Variants in IL1R2 observed in about 807,000 individuals in gnomAD.
IL1R2 encodes interleukin 1 receptor type 2.
Under a neutral mutation model 39.5 loss-of-function variants are expected in IL1R2, and 46 were observed. The ratio of observed to expected loss-of-function variants is 1.16; its 90% CI spans 0.92 to 1.49. The LOEUF (loss-of-function observed/expected upper bound fraction) is 1.49. IL1R2 is among the 40% of genes most tolerant of loss of function. The pLI, the probability that IL1R2 is intolerant of heterozygous loss-of-function variation, is 0.00. For missense variants in IL1R2, 537 were observed against 502.0 expected (o/e 1.07, Z -0.67); for synonymous variants, 207 against 189.6 (o/e 1.09, Z -0.75).
chr2:102,025,948 A>G (rs1281111316), intron 7 of IL1R2, among the ~76,000 whole-genome samples, 163 bp from the exon 8 acceptor site: 1 of 152,218 alleles, frequency 6.6e-6, no homozygotes, highest in East Asian at 1.9e-4. Context: ...AACTGTCCCA[A>G]ATGAATCACA....
intron 1 of IL1R2, among the ~76,000 whole-genome samples, chr2:101,992,422 GAGAGACAC>G (rs778313739): frequency 5.9e-5 from 9 of 151,642 alleles, no homozygotes; most frequent in Non-Finnish European, 1.3e-4. Context: ...GAGAGAGGCA[GAGAGACAC>G]AGAGACACAG....
rs550967369 is a variant in IL1R2 at position 102,015,480 on chromosome 2, C to T, written c.333-391C>T. Among the ~76,000 whole-genome samples, 151 of 152,272 alleles carry T rather than the reference C, an allele frequency of 9.9e-4. 3 individuals carry two copies. Among genetic ancestry groups the T allele is most frequent in the Middle Eastern group, 3.4e-3 (1 of 294 alleles). ...TAAACCCATTGTAAGTTGGAAATAG[C>T]GTTGTCACTTAACTTACCACTTAAC... On this transcript the variant is annotated intron_variant, in intron 3 of 8. Transcript: ENST00000332549.
At chr2:102,014,197 C>G (rs577953603) in intron 3 of IL1R2, among the ~76,000 whole-genome samples, 4 of 152,284 alleles carry the variant, frequency 2.6e-5, no homozygotes, top group Non-Finnish European at 5.9e-5. Context: ...TTTCCCAGAG[C>G]CTTGCTGGGC....
rs754593815 is a variant in IL1R2, at chr2:102,019,658, A to G, written c.534A>G (p.Lys178=). ...QWYKDSLLLD[K]DNEKFLSVRG... The stretch of plus-strand genomic sequence containing the variant: ...TTAAGGATTCTCTTCTTTTGGATAA[A>G]GACAATGAGAAATTTCTAAGTGTGA... The change falls in exon 5 of 9, where the codon AAA becomes AAG. Residue 178 remains lysine (K), a synonymous_variant. Coordinates refer to ENST00000332549, the MANE Select transcript of IL1R2 (RefSeq NM_004633.4). 5.0e-5 allele frequency: 80 copies of G among 1,612,756 alleles called. No homozygotes were observed. Among genetic ancestry groups the G allele is most frequent in the Non-Finnish European group, 6.1e-5 (72 of 1,179,420 alleles).
intron 5 of IL1R2, among the ~76,000 whole-genome samples, chr2:102,020,814 G>T (rs1167320440): frequency 6.6e-6 from 1 of 152,178 alleles, no homozygotes; most frequent in African/African-American, 2.4e-5. Context: ...CGCCCTACAT[G>T]CCTGTCTGTG....
intron 3 of IL1R2, 35 bp from the exon 4 acceptor site, chr2:102,015,836 C>T: frequency 6.6e-7 from 1 of 1,525,112 alleles, no homozygotes; most frequent in South Asian, 1.1e-5. Flanking sequence ...TTTATTTTGC[C>T]TTGCCATTTA....
Position 102,016,044 on chromosome 2 carries a change from G to A in IL1R2, c.506G>A (p.Trp169Ter). The A allele has an allele frequency of 1.9e-6, 3 of 1,609,198 alleles. No individual in the cohort carries two copies. Among genetic ancestry groups the A allele is most frequent in the Non-Finnish European group, 2.5e-6 (3 of 1,176,620 alleles). The change falls in exon 4 of 9, where the codon TGG becomes TAG. Residue 169 changes from tryptophan (W) to a stop codon, truncating the protein, a stop_gained. Transcript: ENST00000332549. LOFTEE classifies it high-confidence loss of function. ...TRDKTDVKIQ[W>*]YKDSLLLDKD... ...GACAAAACTGACGTGAAGATTCAAT[G>A]GTACAAGGTACGGCTTTAAAAAATG...
chr2:102,022,137 T>C (rs374927636), intron 5 of IL1R2, 50 bp from the exon 6 acceptor site: 1 of 1,477,676 alleles, frequency 6.8e-7, no homozygotes, highest in African/African-American at 1.4e-5. Flanking sequence ...AACCACAGCG[T>C]CAAATGAAGG....
At position 101,995,980 on chromosome 2, in the gene IL1R2, C is replaced by A. The variant is rs922075511; in HGVS notation, c.-62+3969C>A. On this transcript the variant is annotated intron_variant, in intron 1 of 8. Coordinates refer to ENST00000332549, the MANE Select transcript of IL1R2 (RefSeq NM_004633.4). ...GCCCAGATGGCTTGACTGTGCCGTG[C>A]TGGCAGCATGGATGAACAAGGGCTC... is the stretch of plus-strand genomic sequence containing the variant. Among the ~76,000 whole-genome samples the A allele has an allele frequency of 5.9e-5, 9 of 152,278 alleles. No homozygotes were observed. In the South Asian group the frequency reaches 1.2e-3, roughly 21 times the overall value.
rs1213185442 is a variant in IL1R2 at position 102,024,587 on chromosome 2, C to T, written c.806C>T (p.Thr269Ile). 1.2e-6 allele frequency: 2 copies of T among 1,614,000 alleles called. No individual in the cohort carries two copies. The change falls in exon 7 of 9, where the codon ACC becomes ATC. Residue 269 changes from threonine (T) to isoleucine (I), a missense_variant. By Grantham distance (89) the Thr-to-Ile change is moderately conservative. Coordinates refer to ENST00000332549, the MANE Select transcript of IL1R2 (RefSeq NM_004633.4). ...TTTCTGGGAACCGGCACACCCTTAA[C>T]CACCATGCTGTGGTGGACGGCCAAT... is the stretch of plus-strand genomic sequence containing the variant. ...KVFLGTGTPL[T>I]TMLWWTANDT...
At chr2:102,018,671 C>T (rs1677161049) in intron 4 of IL1R2, among the ~76,000 whole-genome samples, 1 of 152,084 alleles carries the variant, frequency 6.6e-6, no homozygotes, top group South Asian at 2.1e-4. Flanking sequence ...TGTAAATATC[C>T]CCCCTTTTTA....
chr2:102,013,431 T>A (rs1419283815), intron 3 of IL1R2, among the ~76,000 whole-genome samples: 2 of 141,628 alleles, frequency 1.4e-5, no homozygotes, highest in African/African-American at 5.3e-5. Context: ...TAGGCAAGGA[T>A]GCAAGCCATC....
At chr2:102,008,883 T>C (rs1224425929) in intron 2 of IL1R2, among the ~76,000 whole-genome samples, 1 of 140,340 alleles carries the variant, frequency 7.1e-6, no homozygotes, top group Non-Finnish European at 1.5e-5. Flanking sequence ...AAAAAAGTAG[T>C]TGGGCGTGGT....
intron 1 of IL1R2, among the ~76,000 whole-genome samples, chr2:102,002,790 C>CTATATCTATATCTA (rs1457530950): frequency 3.6e-5 from 5 of 137,448 alleles, no homozygotes; most frequent in Admixed American, 1.4e-4. Flanking sequence ...ATATCTATAT[C>CTATATCTATATCTA]TGTATCTATA....
chr2:102,019,795 T>C lies in IL1R2; in HGVS notation c.671T>C (p.Ile224Thr), dbSNP rs965928934. The C allele has an allele frequency of 6.2e-7, 1 of 1,613,872 alleles. No individual in the cohort carries two copies. The highest frequency in any genetic ancestry group is 8.5e-7 in the Non-Finnish European group (1 of 1,179,962). ...EGQQYNITRS[I>T]ELRIKKKKEE... ...CAGCAATACAACATCACTAGGAGTATTGAGCTACGCATCAAGAGTAAGTAC... is the reference window on the plus strand; with the variant it reads ...CAGCAATACAACATCACTAGGAGTACTGAGCTACGCATCAAGAGTAAGTAC... The change falls in exon 5 of 9, where the codon ATT (isoleucine) becomes ACT (threonine). Residue 224 changes from isoleucine (I) to threonine (T), a missense_variant. Ile to Thr is a moderately conservative substitution (Grantham distance 89). Transcript: ENST00000332549.
At chr2:102,005,189 C>G (rs780059507) in intron 1 of IL1R2, among the ~76,000 whole-genome samples, 3 of 152,182 alleles carry the variant, frequency 2.0e-5, no homozygotes, top group Non-Finnish European at 4.4e-5. Context: ...TGGTTACAAA[C>G]CTTCCCATAA....
Position 102,009,875 on chromosome 2 carries a change from G to A in IL1R2, c.332+49G>A. On this transcript the variant is annotated intron_variant, in intron 3 of 8. Transcript: ENST00000332549. Reference sequence around the variant, plus strand: ...GGGAGGGGATCCTGGCAGGATGGAGGCTTGTGAGGGTCTTCAGTCATGATC... The same window carrying A: ...GGGAGGGGATCCTGGCAGGATGGAGACTTGTGAGGGTCTTCAGTCATGATC... 4 of 1,585,014 alleles carry A rather than the reference G, an allele frequency of 2.5e-6. No homozygotes were observed. In the African/African-American group the frequency reaches 4.0e-5, roughly 16 times the overall value.
intron 3 of IL1R2, among the ~76,000 whole-genome samples, chr2:102,013,818 A>G (rs1429378717): frequency 6.6e-6 from 1 of 152,096 alleles, no homozygotes; most frequent in South Asian, 2.1e-4. Context: ...AGGGTCTCTC[A>G]TGGCTGTTAC....
intron 1 of IL1R2, among the ~76,000 whole-genome samples, chr2:102,007,683 T>G (rs775881135): frequency 3.9e-5 from 6 of 152,158 alleles, no homozygotes; most frequent in Non-Finnish European, 7.4e-5. Context: ...GGCTTCAATA[T>G]GTAAAGTTTT....
Sources: allele counts gnomAD v4.1 joint callset (sites outside exome capture counted in the v4.1 genomes callset), GRCh38; gene constraint gnomAD v4.1.1; transcripts MANE v1.5; gene names NCBI Gene and HGNC (gene_info 2026-07-23, HGNC 2026-07-21).